The following C1QTNF3 variants were observed in gnomAD, a reference collection of about 807,000 sequenced individuals.
C1QTNF3 encodes complement C1q tumor necrosis factor-related protein 3.
C1QTNF3 carries 26 observed loss-of-function variants against 32.6 expected under a neutral mutation model. The ratio of observed to expected loss-of-function variants is 0.80; its 90% CI spans 0.58 to 1.11. C1QTNF3 has a LOEUF of 1.11. C1QTNF3 is among the 50% of genes least tolerant of loss of function. The probability of loss-of-function intolerance (pLI) is 0.00; values close to 1 mark genes in which losing one functional copy is unlikely to be tolerated. For synonymous variants in C1QTNF3, 155 were observed against 146.0 expected (o/e 1.06, Z -0.44); for missense variants, 362 against 398.2 (o/e 0.91, Z 0.77).
chr5:34,169,265 C>G, the C1QTNF3 span: 3 of 152,060 alleles, frequency 2.0e-5, no homozygotes, highest in African/African-American at 7.2e-5. Flanking sequence ...TAACATTTTA[C>G]ATAACAAAAT....
At chr5:34,211,892 G>A in the C1QTNF3 span, among the ~76,000 whole-genome samples, 1 of 151,956 alleles carries the variant, frequency 6.6e-6, no homozygotes, top group Non-Finnish European at 1.5e-5. Context: ...TCACAGAATT[G>A]GAAATAACTA....
chr5:34,020,684 T>C lies in C1QTNF3; in HGVS notation c.859A>G (p.Lys287Glu), dbSNP rs17851370. The change falls in exon 6 of 6, where the codon AAA becomes GAA. Residue 287 changes from lysine (K) to glutamate (E), a missense_variant. Coordinates refer to ENST00000382065, the MANE Select transcript of C1QTNF3 (RefSeq NM_181435.6). ...ATTCGCAGCCAAACCTCATCCCCTT[T>C]GGCTAGCTTCAGCACAGCATGATTG... The part of the protein sequence containing the change: ...SSNHAVLKLA[K>E]GDEVWLRMGN... 1 of 1,614,234 alleles carries C rather than the reference T, an allele frequency of 6.2e-7. No homozygotes were observed. Among genetic ancestry groups the C allele is most frequent in the Non-Finnish European group, 8.5e-7 (1 of 1,180,038 alleles).
the C1QTNF3 span, among the ~76,000 whole-genome samples, chr5:34,050,240 A>AG: frequency 6.6e-6 from 1 of 152,112 alleles, no homozygotes; most frequent in African/African-American, 2.4e-5. Context: ...TCTCCACCCC[A>AG]GTTAGCCAGT....
At chr5:34,238,671 T>C in the C1QTNF3 span, among the ~76,000 whole-genome samples, 1,609 of 152,044 alleles carry the variant, frequency 0.011, 33 homozygotes, top group African/African-American at 0.036. Context: ...TCATTGTCAT[T>C]CCTAGAAGAG....
chr5:34,177,205 A>AT, the C1QTNF3 span, among the ~76,000 whole-genome samples: 2 of 152,222 alleles, frequency 1.3e-5, no homozygotes, highest in Admixed American at 1.3e-4. Flanking sequence ...ATTTTTTTAA[A>AT]TTAAACCAAA....
At chr5:34,201,364 GA>G in the C1QTNF3 span, among the ~76,000 whole-genome samples, 1 of 152,110 alleles carries the variant, frequency 6.6e-6, no homozygotes, top group Admixed American at 6.5e-5. Context: ...GTCATACTTA[GA>G]AACCAACTCT....
At chr5:34,101,798 T>C in the C1QTNF3 span, among the ~76,000 whole-genome samples, 7 of 151,926 alleles carry the variant, frequency 4.6e-5, no homozygotes, top group Non-Finnish European at 1.0e-4. Context: ...CCTTTTGAAT[T>C]CAGGCTAAAC....
the C1QTNF3 span, among the ~76,000 whole-genome samples, chr5:34,224,133 T>C: frequency 3.3e-5 from 5 of 152,116 alleles, no homozygotes; most frequent in Non-Finnish European, 7.4e-5. Context: ...AACAAACCAC[T>C]GCTCAATGAA....
At chr5:34,088,204 C>T in the C1QTNF3 span, among the ~76,000 whole-genome samples, 1 of 151,950 alleles carries the variant, frequency 6.6e-6, no homozygotes, top group Non-Finnish European at 1.5e-5. Context: ...ATCCTTTTGC[C>T]CTTTCCAGAA....
At chr5:34,221,464 A>T in the C1QTNF3 span, among the ~76,000 whole-genome samples, 15 of 152,108 alleles carry the variant, frequency 9.9e-5, no homozygotes, top group Admixed American at 9.8e-4. Flanking sequence ...AGGAGAAGGA[A>T]TACAATTTTA....
chr5:34,098,207 G>A, the C1QTNF3 span, among the ~76,000 whole-genome samples: 1 of 116,776 alleles, frequency 8.6e-6, no homozygotes, highest in African/African-American at 3.5e-5. Flanking sequence ...AAAGCAGATA[G>A]GAGAGAGAAG....
the C1QTNF3 span, among the ~76,000 whole-genome samples, chr5:34,141,411 C>T: frequency 2.3e-4 from 35 of 152,314 alleles, no homozygotes; most frequent in Middle Eastern, 3.4e-3. Context: ...AGCCACCGCG[C>T]CGGGCCCGGG....
chr5:34,219,630 G>A, the C1QTNF3 span, among the ~76,000 whole-genome samples: 1 of 151,374 alleles, frequency 6.6e-6, no homozygotes, highest in Non-Finnish European at 1.5e-5. Context: ...TACTACAACT[G>A]TTTTTTACAT....
chr5:34,141,562 A>G, the C1QTNF3 span, among the ~76,000 whole-genome samples: 1 of 152,164 alleles, frequency 6.6e-6, no homozygotes, highest in Non-Finnish European at 1.5e-5. Flanking sequence ...GATAGTAGCC[A>G]TCATCTCAGG....
At chr5:34,217,834 G>A in the C1QTNF3 span, among the ~76,000 whole-genome samples, 1 of 152,070 alleles carries the variant, frequency 6.6e-6, no homozygotes, top group Non-Finnish European at 1.5e-5. Context: ...AAATTACAGT[G>A]AGGGAATAAG....
the C1QTNF3 span, among the ~76,000 whole-genome samples, chr5:34,181,097 TTTC>T: frequency 6.6e-6 from 1 of 152,378 alleles, no homozygotes; most frequent in African/African-American, 2.4e-5. Context: ...TGAAGCTGGT[TTTC>T]TTCTTCTTTC....
the C1QTNF3 span, among the ~76,000 whole-genome samples, chr5:34,204,230 C>A: frequency 6.6e-6 from 1 of 152,138 alleles, no homozygotes; most frequent in Non-Finnish European, 1.5e-5. Context: ...CTTAATAAAA[C>A]CGCAATTTCA....
At chr5:34,113,988 T>C in the C1QTNF3 span, among the ~76,000 whole-genome samples, 1 of 152,232 alleles carries the variant, frequency 6.6e-6, no homozygotes, top group African/African-American at 2.4e-5. Context: ...GATTAGGCTT[T>C]GCGATCTTCA....
intron 1 of C1QTNF3, among the ~76,000 whole-genome samples, chr5:34,040,399 A>G (rs755385769): frequency 1.6e-4 from 25 of 152,206 alleles, no homozygotes; most frequent in Non-Finnish European, 2.9e-4. Context: ...TCCTGCCCCA[A>G]AAAAAGGGAA....
Sources: allele counts gnomAD v4.1 joint callset (sites outside exome capture counted in the v4.1 genomes callset), GRCh38; gene constraint gnomAD v4.1.1; transcripts MANE v1.5; gene names NCBI Gene and HGNC (gene_info 2026-07-23, HGNC 2026-07-21).